Variants in WDR53 observed in about 807,000 individuals in gnomAD.
The protein encoded by WDR53 is WD repeat-containing protein 53.
In WDR53, 19 loss-of-function variants were observed where a neutral mutation model predicts 21.3. The ratio of observed to expected loss-of-function variants is 0.89; its 90% CI spans 0.62 to 1.31. The LOEUF is 1.31. Among genes scored for constraint, WDR53 ranks in the 50% most tolerant of loss-of-function variants. The pLI is 0.00. For missense variants in WDR53, 374 were observed against 423.2 expected (o/e 0.88, Z 1.02); for synonymous variants, 157 against 163.4 (o/e 0.96, Z 0.30).
Position 196,561,207 on chromosome 3 carries a change from A to G in WDR53, c.269T>C (p.Phe90Ser). ...ATTGATTTCTTCTTCATTCACATGA[A>G]AATGGTCCAAGGAATCTTTGAGGGA... ...VRSLKDSLDH[F>S]HVNEEEINCL... is the part of the protein sequence containing the mutation. Residue 90 changes from phenylalanine to serine, a missense_variant, in exon 3 of 4, where the codon TTT becomes TCT. By Grantham distance (155) the Phe-to-Ser change is radical. Coordinates refer to ENST00000332629, the MANE Select transcript of WDR53 (RefSeq NM_182627.3). 4 of 1,614,246 alleles carry G rather than the reference A, an allele frequency of 2.5e-6. No homozygotes were observed. The highest frequency in any genetic ancestry group is 3.4e-6 in the Non-Finnish European group (4 of 1,180,044).
chr3:196,561,541 G>A, intron 2 of WDR53, 50 bp from the exon 3 acceptor site: 4 of 1,503,002 alleles, frequency 2.7e-6, no homozygotes, highest in Non-Finnish European at 1.8e-6. Context: ...ACATCGACTT[G>A]ATGGGAGGAG....
intron 3 of WDR53, among the ~76,000 whole-genome samples, chr3:196,559,797 A>G (rs1734652200): frequency 6.6e-6 from 1 of 152,190 alleles, no homozygotes; most frequent in East Asian, 1.9e-4. Flanking sequence ...GAGAAAAAAC[A>G]TAGCCTTTGG....
chr3:196,564,343 A>C (rs1029484022), intron 2 of WDR53, among the ~76,000 whole-genome samples: 1 of 152,068 alleles, frequency 6.6e-6, no homozygotes, highest in African/African-American at 2.4e-5. Flanking sequence ...TTGAAAAGTC[A>C]ATTTAAGTTA....
chr3:196,555,737 G>C (rs1017234825), intron 3 of WDR53, among the ~76,000 whole-genome samples: 1 of 152,176 alleles, frequency 6.6e-6, no homozygotes, highest in Non-Finnish European at 1.5e-5. Context: ...TGTTTAGACA[G>C]TGAAAAGCAT....
chr3:196,557,491 C>G (rs2054747), intron 3 of WDR53, among the ~76,000 whole-genome samples: 129,031 of 152,190 alleles, frequency 0.85, 54,907 homozygotes, highest in East Asian at 0.98. Context: ...GCGGTGAGCT[C>G]TAATTGTACC....
intron 3 of WDR53, 100 bp downstream of exon 3, chr3:196,560,896 G>C (rs1734769412): frequency 1.3e-5 from 19 of 1,461,804 alleles, no homozygotes; most frequent in Non-Finnish European, 1.7e-5. Context: ...TATGTTAGTA[G>C]AAAACAGAAA....
rs140055649 is a variant in WDR53, at chr3:196,561,375, G to A, written c.101C>T (p.Thr34Met). Residue 34 changes from threonine (T) to methionine (M), a missense_variant, in exon 3 of 4, where the codon ACG becomes ATG. By Grantham distance (81) the Thr-to-Met change is moderately conservative. Transcript: ENST00000332629. ...LASGAEGGDLTAWGEDGTPLG... is the reference protein window; with the variant it reads ...LASGAEGGDLMAWGEDGTPLG... The stretch of plus-strand genomic sequence containing the variant: ...TGGAGTTCCATCTTCACCCCAAGCC[G>A]TGAGATCTCCGCCCTCTGCTCCAGA... The A allele has an allele frequency of 2.5e-4, 397 of 1,614,042 alleles. 2 individuals are homozygous for A. The highest frequency in any genetic ancestry group is 5.0e-4 in the Admixed American group (30 of 59,992).
intron 3 of WDR53, among the ~76,000 whole-genome samples, chr3:196,558,588 G>A (rs1382331094): frequency 1.3e-5 from 2 of 152,202 alleles, no homozygotes; most frequent in Non-Finnish European, 2.9e-5. Context: ...TAAGAAAAAA[G>A]ATAGGTATGC....
chr3:196,561,722 T>C (rs1180793985), intron 2 of WDR53, among the ~76,000 whole-genome samples: 1 of 152,022 alleles, frequency 6.6e-6, no homozygotes, highest in Middle Eastern at 3.2e-3. Flanking sequence ...TCCTTTGCCA[T>C]CAGGGATCTA....
Position 196,554,799 on chromosome 3 carries a change from C to T in WDR53, c.489G>A (p.Leu163=), listed in dbSNP as rs1369547605. The T allele has an allele frequency of 1.2e-6, 2 of 1,611,358 alleles. No individual in the cohort carries two copies. The highest frequency in any genetic ancestry group is 1.7e-6 in the Non-Finnish European group (2 of 1,178,520). ...GTGGTCGGGCTTTTTGAAGACTCCA[C>T]AGCATCACCTTTACATAAGAAGAAA... ...VSCGLDMQVM[L]WSLQKARPLW... Residue 163 remains leucine, a synonymous_variant, in exon 4 of 4, where the codon CTG becomes CTA. Coordinates refer to ENST00000332629, the MANE Select transcript of WDR53 (RefSeq NM_182627.3).
intron 1 of WDR53, among the ~76,000 whole-genome samples, chr3:196,567,855 A>T (rs1325682874): frequency 6.7e-6 from 1 of 149,184 alleles, no homozygotes; most frequent in East Asian, 2.0e-4. Context: ...CTCAGCCTCG[A>T]CCTCCCGGGC....
chr3:196,563,700 T>C (rs1006501265), intron 2 of WDR53, among the ~76,000 whole-genome samples: 1 of 152,068 alleles, frequency 6.6e-6, no homozygotes, highest in South Asian at 2.1e-4. Context: ...GCCTCCCAAG[T>C]AGCTGAGATT....
At chr3:196,567,545 A>G (rs1735527024) in intron 1 of WDR53, among the ~76,000 whole-genome samples, 2 of 152,196 alleles carry the variant, frequency 1.3e-5, no homozygotes, top group Non-Finnish European at 2.9e-5. Context: ...TGTGAACCCT[A>G]TTATTTTAAT....
intron 3 of WDR53, among the ~76,000 whole-genome samples, chr3:196,557,825 TG>T (rs1734473496): frequency 6.6e-6 from 1 of 151,164 alleles, no homozygotes; most frequent in Non-Finnish European, 1.5e-5. Context: ...TCACCCAGGC[TG>T]GAGTGCAGTG....
intron 1 of WDR53, among the ~76,000 whole-genome samples, chr3:196,567,589 T>C (rs1253334966): frequency 2.0e-5 from 3 of 152,208 alleles, no homozygotes; most frequent in Non-Finnish European, 4.4e-5. Flanking sequence ...GAGGATTACG[T>C]ATATAAAAAT....
intron 3 of WDR53, among the ~76,000 whole-genome samples, chr3:196,558,378 C>T (rs1052012956): frequency 1.3e-5 from 2 of 151,664 alleles, no homozygotes; most frequent in Admixed American, 6.6e-5. Flanking sequence ...GGCTAATTTT[C>T]GTATTTTCGG....
At chr3:196,560,631 G>A (rs1006992898) in intron 3 of WDR53, among the ~76,000 whole-genome samples, 1 of 152,088 alleles carries the variant, frequency 6.6e-6, no homozygotes, top group Admixed American at 6.5e-5. Context: ...GAACTTTAAA[G>A]TAAAAACAGA....
At chr3:196,566,327 A>G (rs1362414710) in intron 2 of WDR53, among the ~76,000 whole-genome samples, 1 of 151,720 alleles carries the variant, frequency 6.6e-6, no homozygotes, top group Non-Finnish European at 1.5e-5. Flanking sequence ...AGCTCAAGCA[A>G]TCCACCCACC....
chr3:196,559,040 C>T (rs1481920817), intron 3 of WDR53, among the ~76,000 whole-genome samples: 3 of 152,220 alleles, frequency 2.0e-5, no homozygotes, highest in African/African-American at 7.2e-5. Flanking sequence ...TCTGAATGCC[C>T]ATTCCTCATC....
Sources: gnomAD v4.1 joint callset for allele counts (sites outside exome capture counted in the v4.1 genomes callset) on GRCh38, gnomAD v4.1.1 for gene constraint, MANE v1.5 for transcripts, NCBI Gene and HGNC (gene_info 2026-07-23, HGNC 2026-07-21) for gene names.